NR4A2: variants seen among roughly 807,000 people sequenced by gnomAD.
NR4A2 encodes NGFI-B/nur77 beta-type transcription factor homolog.
A neutral mutation model predicts 50.5 loss-of-function variants in NR4A2; 1 was observed. The observed-to-expected ratio is 0.02, with a 90% CI of 0.01 to 0.09. NR4A2 has a LOEUF of 0.09. NR4A2 is among the 10% of genes least tolerant of loss of function. The pLI, the probability that NR4A2 is intolerant of heterozygous loss-of-function variation, is 1.00. For synonymous variants in NR4A2, 328 were observed against 309.4 expected (o/e 1.06, Z -0.63); for missense variants, 613 against 777.3 (o/e 0.79, Z 2.51).
chr2:156,325,600 G>T lies in NR4A2; in HGVS notation c.*144C>A. ...TGTTTGTTTGTTTGTTTTCTTTAGG[G>T]ATCAAGGGGGCTAGGAGGGTTACAG... On this transcript the variant is annotated 3_prime_UTR_variant, in exon 8 of 8. Transcript: ENST00000339562. 2.8e-6 allele frequency: 3 copies of T among 1,057,590 alleles called. No homozygotes were observed. Among genetic ancestry groups the T allele is most frequent in the Non-Finnish European group, 4.4e-6 (3 of 683,886 alleles). 65.5% of individuals were successfully genotyped at this position (1,057,590 alleles called of 1,614,324 possible).
chr2:156,328,310 T>A lies in NR4A2; in HGVS notation c.994+94A>T. On this transcript the variant is annotated intron_variant, in intron 4 of 7. Coordinates refer to ENST00000339562, the MANE Select transcript of NR4A2 (RefSeq NM_006186.4). This position sits in a 1 kb window ranked among gnomAD's most constrained non-coding sequence, Gnocchi z 4.9. ...GGCCATACTGAGGGGGAGTCGGAGA[T>A]CCCCAGCACCGGGAAGTGGAACGTG... 6.3e-7 allele frequency: 1 copy of A among 1,592,214 alleles called. No individual in the cohort carries two copies. The highest frequency in any genetic ancestry group is 1.1e-5 in the South Asian group (1 of 90,392).
chr2:156,330,631 T>C, intron 2 of NR4A2, 37 bp downstream of exon 2: 3 of 1,332,758 alleles, frequency 2.3e-6, no homozygotes, highest in Non-Finnish European at 2.9e-6. Flanking sequence ...TTTGGGGAGC[T>C]CTGGAGAGTA....
Position 156,330,717 on chromosome 2 carries a change from C to T in NR4A2, c.-52G>A, listed in dbSNP as rs757580117. 5 of 1,260,632 alleles carry T rather than the reference C, an allele frequency of 4.0e-6. No homozygotes were observed. The highest frequency in any genetic ancestry group is 5.0e-6 in the Non-Finnish European group (5 of 1,003,154). 78.1% of individuals were successfully genotyped at this position (1,260,632 alleles called of 1,614,324 possible). A position where few individuals can be genotyped will look rare whatever the true frequency, so the allele number is the denominator to read the frequency against. On this transcript the variant is annotated 5_prime_UTR_variant, in exon 2 of 8. Transcript: ENST00000339562. Reference sequence around the variant, plus strand: ...CGAGGAAATTAAAGGTGGACAGTGTCGTAATTCAATGAAGGACAAAGTTTC... The same window carrying T: ...CGAGGAAATTAAAGGTGGACAGTGTTGTAATTCAATGAAGGACAAAGTTTC...
In NR4A2 at chr2:156,326,704, C is replaced by A; in HGVS notation, c.1361+14G>T. ...CACAGCCTCCCTGGATTGTCTCCCT[C>A]CCTCCCTTATTACCTGTATGCTAAT... On this transcript the variant is annotated intron_variant, in intron 6 of 7. Coordinates refer to ENST00000339562, the MANE Select transcript of NR4A2 (RefSeq NM_006186.4). This position sits in a 1 kb window ranked among gnomAD's most constrained non-coding sequence, Gnocchi z 4.2. 5 of 1,612,742 alleles carry A rather than the reference C, an allele frequency of 3.1e-6. No homozygotes were observed. The highest frequency in any genetic ancestry group is 4.2e-6 in the Non-Finnish European group (5 of 1,179,166).
Position 156,332,676 on chromosome 2 carries a change from G to C in NR4A2, c.-323C>G, listed in dbSNP as rs868319734. The C allele has an allele frequency of 1.0e-5, 4 of 396,698 alleles. No homozygotes were observed. The highest frequency in any genetic ancestry group is 1.8e-5 in the South Asian group (1 of 54,910). The allele number at this position is 396,698 out of a possible 1,614,324, so 24.6% of individuals were successfully genotyped here. A position where few individuals can be genotyped will look rare whatever the true frequency, so the allele number is the denominator to read the frequency against. On this transcript the variant is annotated 5_prime_UTR_variant, in exon 1 of 8. Transcript: ENST00000339562. ...ACCGCGGAGCCGTGCGCGAGCCGCC[G>C]GGCGGACTGGCCCTGGCCGCCAATG...
At chr2:156,332,242 A>G (rs1036256851) in intron 1 of NR4A2, among the ~76,000 whole-genome samples, 5 of 152,080 alleles carry the variant, frequency 3.3e-5, no homozygotes, top group African/African-American at 9.7e-5. Flanking sequence ...ACGTCCACCA[A>G]TGAGGAGCCT....
At position 156,329,112 on chromosome 2, in the gene NR4A2, C is replaced by T. The variant is rs1408266338; in HGVS notation, c.864+211G>A. 1.3e-5 allele frequency among the ~76,000 whole-genome samples: 2 copies of T among 152,236 alleles called. No individual in the cohort carries two copies. The highest frequency in any genetic ancestry group is 2.9e-5 in the Non-Finnish European group (2 of 68,044). On this transcript the variant is annotated intron_variant, in intron 3 of 7. Transcript: ENST00000339562. The surrounding 1 kb of genome is among the most constrained non-coding windows in gnomAD (Gnocchi z 7.5). Reference sequence around the variant, plus strand: ...AATGCGAGGGGGATGCGACCCTGGCCTCCCAGTCTTTCTGCTTCCCTTTCT... The same window carrying T: ...AATGCGAGGGGGATGCGACCCTGGCTTCCCAGTCTTTCTGCTTCCCTTTCT...
At chr2:156,331,935 AT>A (rs1365714267) in intron 1 of NR4A2, 1 of 158,670 alleles carries the variant, frequency 6.3e-6, no homozygotes, top group Non-Finnish European at 1.4e-5. Flanking sequence ...CAAGGACAGC[AT>A]ATGTCAAAAC....
At chr2:156,331,164 A>G (rs1406656811) in intron 1 of NR4A2, among the ~76,000 whole-genome samples, 1 of 152,242 alleles carries the variant, frequency 6.6e-6, no homozygotes, top group Non-Finnish European at 1.5e-5. Flanking sequence ...ATGAAAATAC[A>G]GCATTGGAAC....
In NR4A2 at chr2:156,329,559, G is replaced by T; in HGVS notation, c.628C>A (p.His210Asn). 7 of 1,603,376 alleles carry T rather than the reference G, an allele frequency of 4.4e-6. No individual in the cohort carries two copies. In the South Asian group the frequency reaches 7.7e-5, roughly 18 times the overall value. Residue 210 changes from histidine (H) to asparagine (N), a missense_variant, in exon 3 of 8, where the codon CAC becomes AAC. Coordinates refer to ENST00000339562, the MANE Select transcript of NR4A2 (RefSeq NM_006186.4). The surrounding 1 kb of genome is among the most constrained non-coding windows in gnomAD (Gnocchi z 7.5). ...VPMNPEPAGS[H>N]HVVDGQTFAV... The stretch of plus-strand genomic sequence containing the variant: ...AAGGTCTGCCCGTCCACCACGTGGT[G>T]GCTGCCGGCGGGCTCCGGGTTCATG...
At position 156,325,834 on chromosome 2, in the gene NR4A2, C is replaced by A. The variant is rs750184164; in HGVS notation, c.1707G>T (p.Gly569=). ...ATTTCAGGTAGAAAATGCGCTGTAG[C>A]CCCTGTGTGCAAAGGGTACGAAGTT... The part of the protein sequence containing the change: ...LPELRTLCTQ[G]LQRIFYLKLE... Residue 569 remains glycine, a synonymous_variant, in exon 8 of 8, where the codon GGG becomes GGT. Coordinates refer to ENST00000339562, the MANE Select transcript of NR4A2 (RefSeq NM_006186.4). The A allele has an allele frequency of 1.2e-6, 2 of 1,614,184 alleles. No homozygotes were observed. Among genetic ancestry groups the A allele is most frequent in the East Asian group, 2.2e-5 (1 of 44,884 alleles).
rs771957263 is a variant in NR4A2, at chr2:156,326,706, C to T, written c.1361+12G>A. 1 of 1,612,816 alleles carries T rather than the reference C, an allele frequency of 6.2e-7. No individual in the cohort carries two copies. The highest frequency in any genetic ancestry group is 2.2e-5 in the East Asian group (1 of 44,870). The stretch of plus-strand genomic sequence containing the variant: ...CAGCCTCCCTGGATTGTCTCCCTCC[C>T]TCCCTTATTACCTGTATGCTAATCG... On this transcript the variant is annotated intron_variant, in intron 6 of 7. Transcript: ENST00000339562. This position sits in a 1 kb window ranked among gnomAD's most constrained non-coding sequence, Gnocchi z 4.2.
At position 156,325,570 on chromosome 2, in the gene NR4A2, G is replaced by C. The variant is rs1686603274; in HGVS notation, c.*174C>G. On this transcript the variant is annotated 3_prime_UTR_variant, in exon 8 of 8. Transcript: ENST00000339562. ...GCCTGCAGGTTAGGAAATAGCAACA[G>C]TTTTTGTTTGTTTGTTTGTTTTCTT... 2.3e-6 allele frequency: 2 copies of C among 877,942 alleles called. No individual in the cohort carries two copies. The highest frequency in any genetic ancestry group is 1.7e-5 in the African/African-American group (1 of 59,130). The allele number at this position is 877,942 out of a possible 1,614,324, so 54.4% of individuals were successfully genotyped here.
chr2:156,328,135 T>C lies in NR4A2; in HGVS notation c.995-121A>G. ...CAGGCTGAGCGGCTGAGGGCCCCAG[T>C]GCTTGTAAAGCCTTCACTGACTAGA... On this transcript the variant is annotated intron_variant, in intron 4 of 7. Coordinates refer to ENST00000339562, the MANE Select transcript of NR4A2 (RefSeq NM_006186.4). The surrounding 1 kb of genome is among the most constrained non-coding windows in gnomAD (Gnocchi z 4.9). The C allele has an allele frequency of 1.5e-6, 2 of 1,342,602 alleles. No homozygotes were observed. Among genetic ancestry groups the C allele is most frequent in the African/African-American group, 1.5e-5 (1 of 68,410 alleles). The allele number at this position is 1,342,602 out of a possible 1,614,324, so 83.2% of individuals were successfully genotyped here. A position where few individuals can be genotyped will look rare whatever the true frequency, so the allele number is the denominator to read the frequency against.
chr2:156,326,070 G>A lies in NR4A2; in HGVS notation c.1541-70C>T, dbSNP rs1437904764. On this transcript the variant is annotated intron_variant, in intron 7 of 7. Coordinates refer to ENST00000339562, the MANE Select transcript of NR4A2 (RefSeq NM_006186.4). The surrounding 1 kb of genome is among the most constrained non-coding windows in gnomAD (Gnocchi z 4.2). Reference sequence around the variant, plus strand: ...GTTAGCTAGTTGGCAAAACCAAGGAGAATCTGTGACAAGGGAAACTCAGGA... The same window carrying A: ...GTTAGCTAGTTGGCAAAACCAAGGAAAATCTGTGACAAGGGAAACTCAGGA... 1.2e-6 allele frequency: 2 copies of A among 1,613,314 alleles called. No individual in the cohort carries two copies. The highest frequency in any genetic ancestry group is 1.3e-5 in the African/African-American group (1 of 74,920).
In NR4A2 at chr2:156,329,833, C is replaced by T; in HGVS notation, c.354G>A (p.Gly118=). The change falls in exon 3 of 8, where the codon GGG becomes GGA. Residue 118 remains glycine, a synonymous_variant. Coordinates refer to ENST00000339562, the MANE Select transcript of NR4A2 (RefSeq NM_006186.4). The surrounding 1 kb of genome is among the most constrained non-coding windows in gnomAD (Gnocchi z 7.5). ...PQSEEMMPHS[G]SVYYKPSSPP... is the part of the protein sequence containing the mutation. ...GCGAGGAGGGCTTGTAGTAAACCGA[C>T]CCGGAGTGCGGCATCATCTCCTCAG... 6.2e-7 allele frequency: 1 copy of T among 1,614,118 alleles called. No individual in the cohort carries two copies. The highest frequency in any genetic ancestry group is 8.5e-7 in the Non-Finnish European group (1 of 1,180,022).
chr2:156,331,238 T>G (rs183120658), intron 1 of NR4A2, among the ~76,000 whole-genome samples: 6 of 152,184 alleles, frequency 3.9e-5, no homozygotes, highest in African/African-American at 1.4e-4. Flanking sequence ...GGGAAGAAAG[T>G]AGAAGTCAAG....
Position 156,332,671 on chromosome 2 carries a change from C to T in NR4A2, c.-318G>A. On this transcript the variant is annotated 5_prime_UTR_variant, in exon 1 of 8. Coordinates refer to ENST00000339562, the MANE Select transcript of NR4A2 (RefSeq NM_006186.4). ...AAGGGACCGCGGAGCCGTGCGCGAG[C>T]CGCCGGGCGGACTGGCCCTGGCCGC... is the stretch of plus-strand genomic sequence containing the variant. 3 of 403,146 alleles carry T rather than the reference C, an allele frequency of 7.4e-6. No individual in the cohort carries two copies. The highest frequency in any genetic ancestry group is 5.4e-5 in the South Asian group (3 of 55,418). The allele number at this position is 403,146 out of a possible 1,614,324, so 25.0% of individuals were successfully genotyped here. A position where few individuals can be genotyped will look rare whatever the true frequency, so the allele number is the denominator to read the frequency against.
intron 1 of NR4A2, among the ~76,000 whole-genome samples, chr2:156,332,118 T>G (rs1423062430): frequency 1.3e-5 from 2 of 152,210 alleles, no homozygotes; most frequent in Non-Finnish European, 2.9e-5. Flanking sequence ...CTCGTATACA[T>G]AGGACTTGGA....
Sources: allele counts gnomAD v4.1 joint callset (sites outside exome capture counted in the v4.1 genomes callset), GRCh38; gene constraint gnomAD v4.1.1; non-coding constraint Gnocchi (gnomAD v3.1); transcripts MANE v1.5; gene names NCBI Gene and HGNC (gene_info 2026-07-23, HGNC 2026-07-21).